The following GMDS variants were observed in gnomAD, a reference collection of about 807,000 sequenced individuals.
GMDS encodes GDP-mannose 4,6 dehydratase.
Under a neutral mutation model 49.9 loss-of-function variants are expected in GMDS, and 20 were observed. That is an observed-to-expected ratio of 0.40 (90% CI 0.28 to 0.58). The LOEUF (loss-of-function observed/expected upper bound fraction) is 0.58, where lower values mean the gene tolerates loss of function less well. Ranked by LOEUF, GMDS falls within the 20% of genes least tolerant of loss-of-function variation. The pLI, the probability that GMDS is intolerant of heterozygous loss-of-function variation, is 0.42. For missense variants in GMDS, 362 were observed against 481.4 expected, an observed-to-expected ratio of 0.75 and a Z score of 2.32; for synonymous variants, 177 against 178.6, an observed-to-expected ratio of 0.99 and a Z score of 0.07.
chr6:2,134,298 C>T (rs899139844), intron 1 of GMDS, among the ~76,000 whole-genome samples: 2 of 152,250 alleles, frequency 1.3e-5, no homozygotes. Context: ...CTTTTGCCAA[C>T]AGCAGCGGGG....
chr6:2,096,007 A>G (rs1773584328), intron 4 of GMDS, among the ~76,000 whole-genome samples: 1 of 152,230 alleles, frequency 6.6e-6, no homozygotes, highest in Non-Finnish European at 1.5e-5. Context: ...TGCAACATAT[A>G]TACCTGATAA....
intron 7 of GMDS, among the ~76,000 whole-genome samples, chr6:1,879,300 A>C (rs1759249688): frequency 6.6e-6 from 1 of 152,224 alleles, no homozygotes; most frequent in South Asian, 2.1e-4. Flanking sequence ...AACATTAAAT[A>C]CGCTACTAAG....
intron 9 of GMDS, among the ~76,000 whole-genome samples, chr6:1,649,373 T>C (rs1308288219): frequency 2.0e-5 from 3 of 152,226 alleles, no homozygotes; most frequent in Non-Finnish European, 4.4e-5. Context: ...TTAGTTCAAA[T>C]TGAGGTCAGA....
At chr6:2,203,186 G>A (rs769625473) in intron 1 of GMDS, among the ~76,000 whole-genome samples, 18 of 152,076 alleles carry the variant, frequency 1.2e-4, no homozygotes, top group Admixed American at 3.3e-4. Context: ...GTTACTTTAG[G>A]CCACTGGGGG....
intron 2 of GMDS, among the ~76,000 whole-genome samples, chr6:2,120,194 C>G (rs962895541): frequency 6.6e-6 from 1 of 152,096 alleles, no homozygotes; most frequent in East Asian, 1.9e-4. Flanking sequence ...ATCACAACAC[C>G]CTTACTATAA....
rs61342699 is a variant in GMDS at position 2,135,595 on chromosome 6, A to ACATCAT, written c.103-10870_103-10865dup. On this transcript the variant is annotated intron_variant, in intron 1 of 10. Transcript: ENST00000380815. ...AGGACAAGGAAACAACACATCTACC[A>ACATCAT]CATCATCATCATCATCATCATCATC... Among the ~76,000 whole-genome samples the ACATCAT allele has an allele frequency of 9.9e-3, 1,487 of 149,522 alleles. 26 individuals are homozygous for ACATCAT. The highest frequency in any genetic ancestry group is 0.033 in the African/African-American group (1,359 of 40,952).
chr6:2,029,081 T>C lies in GMDS; in HGVS notation c.346-68115A>G, dbSNP rs146502111. 2.4e-3 allele frequency among the ~76,000 whole-genome samples: 372 copies of C among 152,148 alleles called. 1 individual carries two copies. Among genetic ancestry groups the C allele is most frequent in the African/African-American group, 8.7e-3 (361 of 41,502 alleles). On this transcript the variant is annotated intron_variant, in intron 4 of 10. Coordinates refer to ENST00000380815, the MANE Select transcript of GMDS (RefSeq NM_001500.4). ...TTTTTAAAAAATAGATAATTATATATGTTTAAGAACTGGAAAGCATTTTGT... is the reference window on the plus strand; with the variant it reads ...TTTTTAAAAAATAGATAATTATATACGTTTAAGAACTGGAAAGCATTTTGT...
At chr6:2,206,946 T>C (rs554043244) in intron 1 of GMDS, among the ~76,000 whole-genome samples, 21 of 152,304 alleles carry the variant, frequency 1.4e-4, no homozygotes, top group Admixed American at 8.5e-4. Flanking sequence ...GGTGAACTAC[T>C]GAAAACCACA....
chr6:1,840,921 A>T (rs760691448), intron 7 of GMDS, among the ~76,000 whole-genome samples: 12 of 152,200 alleles, frequency 7.9e-5, no homozygotes, highest in Non-Finnish European at 1.5e-4. Flanking sequence ...TGTGAGGGCG[A>T]CTGTTGCACC....
intron 7 of GMDS, among the ~76,000 whole-genome samples, chr6:1,877,429 A>T (rs1296034805): frequency 1.3e-5 from 2 of 151,894 alleles, no homozygotes; most frequent in Non-Finnish European, 2.9e-5. Flanking sequence ...TGCTTGAGGA[A>T]AGGAGTTCGA....
At chr6:1,967,468 T>C (rs138203910) in intron 4 of GMDS, among the ~76,000 whole-genome samples, 15 of 152,354 alleles carry the variant, frequency 9.8e-5, no homozygotes, top group African/African-American at 3.6e-4. Flanking sequence ...ACAAGTTTGA[T>C]AATTTAATAT....
Position 1,959,975 on chromosome 6 carries a change from T to C in GMDS, c.539-4A>G. On this transcript the variant is annotated splice_region_variant and splice_polypyrimidine_tract_variant and intron_variant, in intron 5 of 10. Transcript: ENST00000380815. The stretch of plus-strand genomic sequence containing the variant: ...TAGGCATAGAGTTTTGCTGCCCCTG[T>C]TGGAATAATTTTTTTTAAGCAATGA... 6.4e-7 allele frequency: 1 copy of C among 1,564,244 alleles called. No individual in the cohort carries two copies. Among genetic ancestry groups the C allele is most frequent in the South Asian group, 1.2e-5 (1 of 86,490 alleles).
At position 1,624,040 on chromosome 6, in the gene GMDS, A is replaced by G; in HGVS notation, c.*129T>C. ...GCGGCCCCGCTCTTGCGGCCGGGACAGCGCAGCGGCAGCAGGGGCCGCAGG... is the reference window on the plus strand; with the variant it reads ...GCGGCCCCGCTCTTGCGGCCGGGACGGCGCAGCGGCAGCAGGGGCCGCAGG... On this transcript the variant is annotated 3_prime_UTR_variant, in exon 11 of 11. Transcript: ENST00000380815. 2 of 766,282 alleles carry G rather than the reference A, an allele frequency of 2.6e-6. No individual in the cohort carries two copies. Among genetic ancestry groups the G allele is most frequent in the Non-Finnish European group, 4.2e-6 (2 of 472,634 alleles). The allele number at this position is 766,282 out of a possible 1,614,324, so 47.5% of individuals were successfully genotyped here.
At chr6:1,992,483 AC>A (rs905445034) in intron 4 of GMDS, among the ~76,000 whole-genome samples, 7 of 152,076 alleles carry the variant, frequency 4.6e-5, no homozygotes, top group Non-Finnish European at 8.8e-5. Context: ...TCCTCAACAC[AC>A]CAGGCATGTT....
At chr6:1,945,302 G>A (rs1763027545) in intron 6 of GMDS, among the ~76,000 whole-genome samples, 1 of 151,942 alleles carries the variant, frequency 6.6e-6, no homozygotes, top group African/African-American at 2.4e-5. Context: ...TGAGATGAAT[G>A]GGCATGCAGG....
At chr6:2,227,961 C>T (rs1234403683) in intron 1 of GMDS, among the ~76,000 whole-genome samples, 1 of 152,208 alleles carries the variant, frequency 6.6e-6, no homozygotes, top group Non-Finnish European at 1.5e-5. Flanking sequence ...GCTGTGCGGC[C>T]CTTTCTCGGC....
Position 1,755,881 on chromosome 6 carries a change from A to C in GMDS, c.772-13295T>G, listed in dbSNP as rs1056735318. Reference sequence around the variant, plus strand: ...ACTTCATGACTAAAACACCAAAAGCAATGGAAACAAAAGCCATAATTGACA... The same window carrying C: ...ACTTCATGACTAAAACACCAAAAGCCATGGAAACAAAAGCCATAATTGACA... On this transcript the variant is annotated intron_variant, in intron 7 of 10. Transcript: ENST00000380815. 7.9e-5 allele frequency among the ~76,000 whole-genome samples: 12 copies of C among 152,360 alleles called. No homozygotes were observed. The South Asian group carries it at 2.1e-3, about 26-fold the overall frequency.
At chr6:1,758,844 G>A (rs2113543630) in intron 7 of GMDS, among the ~76,000 whole-genome samples, 1 of 152,350 alleles carries the variant, frequency 6.6e-6, no homozygotes, top group Admixed American at 6.5e-5. Flanking sequence ...GCCAAGGCAG[G>A]TGGATCACCC....
At chr6:2,063,002 A>C (rs192144282) in intron 4 of GMDS, among the ~76,000 whole-genome samples, 1 of 152,334 alleles carries the variant, frequency 6.6e-6, no homozygotes, top group East Asian at 1.9e-4. Context: ...CTGTGTTAGA[A>C]TTTGCTTTTG....
Sources: gnomAD v4.1 joint callset for allele counts (sites outside exome capture counted in the v4.1 genomes callset) on GRCh38, gnomAD v4.1.1 for gene constraint, MANE v1.5 for transcripts, NCBI Gene and HGNC (gene_info 2026-07-23, HGNC 2026-07-21) for gene names.